ERGIC1: variants seen among roughly 807,000 people sequenced by gnomAD.
ERGIC1 encodes endoplasmic reticulum-Golgi intermediate compartment protein 1.
ERGIC1 carries 19 observed loss-of-function variants against 38.3 expected under a neutral mutation model. The ratio of observed to expected loss-of-function variants is 0.50; its 90% CI spans 0.35 to 0.73. ERGIC1 has a LOEUF of 0.73. Ranked by LOEUF, ERGIC1 falls within the 30% of genes least tolerant of loss-of-function variation. ERGIC1 has a pLI of 0.01. For synonymous variants in ERGIC1, 124 were observed against 157.6 expected (o/e 0.79, Z 1.60); for missense variants, 294 against 389.2 (o/e 0.76, Z 2.06).
intron 1 of ERGIC1, among the ~76,000 whole-genome samples, chr5:172,885,958 G>A (rs983209690): frequency 6.6e-6 from 1 of 152,224 alleles, no homozygotes; most frequent in East Asian, 1.9e-4. Flanking sequence ...GCTTCTCTTG[G>A]ACACTCAGAA....
chr5:172,877,606 A>C (rs1762179381), intron 1 of ERGIC1, among the ~76,000 whole-genome samples: 2 of 117,532 alleles, frequency 1.7e-5, no homozygotes, highest in Non-Finnish European at 4.2e-5. Flanking sequence ...ATGTAACAGA[A>C]TGCAGCGTTC....
chr5:172,849,282 C>T (rs1176488430), intron 1 of ERGIC1, among the ~76,000 whole-genome samples: 2 of 152,160 alleles, frequency 1.3e-5, no homozygotes, highest in African/African-American at 2.4e-5. Flanking sequence ...CTCTAGCAAA[C>T]TGGCCAGTTT....
chr5:172,936,851 G>A (rs2113475447), intron 9 of ERGIC1: 1 of 152,196 alleles, frequency 6.6e-6, no homozygotes, highest in East Asian at 1.9e-4. Flanking sequence ...TCTTAAATTA[G>A]CTGGATACGG....
At position 172,926,701 on chromosome 5, in the gene ERGIC1, C is replaced by T. The variant is rs1172980313; in HGVS notation, c.541+132C>T. On this transcript the variant is annotated intron_variant, in intron 7 of 9. Transcript: ENST00000393784. The surrounding 1 kb of genome is among the most constrained non-coding windows in gnomAD (Gnocchi z 5.2). ...GGCAGGGAGGCTGCTGCTCACACTC[C>T]ATTCCCACAGCTAACCAGTGGGAAG... 7.3e-6 allele frequency: 7 copies of T among 961,810 alleles called. No homozygotes were observed. The highest frequency in any genetic ancestry group is 1.6e-5 in the African/African-American group (1 of 62,064). The allele number at this position is 961,810 out of a possible 1,614,324, so 59.6% of individuals were successfully genotyped here.
At chr5:172,915,343 T>A (rs903821953) in intron 5 of ERGIC1, 1 of 469,088 alleles carries the variant, frequency 2.1e-6, no homozygotes, top group Non-Finnish European at 4.1e-6. Flanking sequence ...GCAGCGTTCC[T>A]GGGCTGGTGG....
At chr5:172,892,656 A>G (rs964231385) in intron 2 of ERGIC1, among the ~76,000 whole-genome samples, 2 of 152,178 alleles carry the variant, frequency 1.3e-5, no homozygotes, top group African/African-American at 4.8e-5. Flanking sequence ...TTGCCCAAAC[A>G]TGGACTGAAA....
intron 3 of ERGIC1, among the ~76,000 whole-genome samples, chr5:172,903,988 C>CACACACA (rs1473108767): frequency 2.7e-5 from 4 of 150,934 alleles, no homozygotes; most frequent in African/African-American, 9.9e-5. Flanking sequence ...CACACACACA[C>CACACACA]ATTGACTCAC....
intron 5 of ERGIC1, among the ~76,000 whole-genome samples, chr5:172,923,522 G>A (rs1763579441): frequency 6.6e-6 from 1 of 152,204 alleles, no homozygotes; most frequent in African/African-American, 2.4e-5. Context: ...ACCCAGGGAA[G>A]AGATGAGGCT....
intron 3 of ERGIC1, chr5:172,905,604 C>G (rs945385170): frequency 2.7e-6 from 1 of 365,396 alleles, no homozygotes; most frequent in African/African-American, 2.1e-5. Flanking sequence ...AGCCTCTAGT[C>G]CGATCAGGAG....
intron 4 of ERGIC1, among the ~76,000 whole-genome samples, chr5:172,913,334 A>C (rs536777124): frequency 2.6e-5 from 4 of 152,368 alleles, no homozygotes; most frequent in Non-Finnish European, 5.9e-5. Flanking sequence ...GCAGCTTTGC[A>C]CACACATCTG....
chr5:172,947,758 A>G (rs1312957779), intron 9 of ERGIC1, among the ~76,000 whole-genome samples: 2 of 152,034 alleles, frequency 1.3e-5, no homozygotes, highest in African/African-American at 4.8e-5. Flanking sequence ...CAATACACAC[A>G]TTGTCTCCCT....
chr5:172,859,746 A>G (rs1478730325), intron 1 of ERGIC1, among the ~76,000 whole-genome samples: 2 of 152,146 alleles, frequency 1.3e-5, no homozygotes, highest in Non-Finnish European at 2.9e-5. Flanking sequence ...GTGCCCTTGG[A>G]CAGGGGACAG....
At chr5:172,866,990 G>T (rs1761882120) in intron 1 of ERGIC1, 1 of 352,520 alleles carries the variant, frequency 2.8e-6, no homozygotes, top group Non-Finnish European at 5.7e-6. Context: ...AATGAAAGGG[G>T]ATGCAGATGG....
At chr5:172,920,872 G>A (rs559139214) in intron 5 of ERGIC1, among the ~76,000 whole-genome samples, 31 of 152,348 alleles carry the variant, frequency 2.0e-4, no homozygotes, top group African/African-American at 7.5e-4. Flanking sequence ...CCCAGGGGTG[G>A]TCAGCAACAG....
chr5:172,867,001 A>AGATGATGCAGATGGAGAT lies in ERGIC1; in HGVS notation c.21-21675_21-21658dup, dbSNP rs1554107904. ...TGGAAATGAAAGGGGATGCAGATGGAGATGATGCAGATGGAGATGATGATG... is the reference window on the plus strand; with the variant it reads ...TGGAAATGAAAGGGGATGCAGATGGAGATGATGCAGATGGAGATGATGATGCAGATGGAGATGATGATG... On this transcript the variant is annotated intron_variant, in intron 1 of 9. Coordinates refer to ENST00000393784, the MANE Select transcript of ERGIC1 (RefSeq NM_001031711.3). 1,187 of 360,828 alleles carry AGATGATGCAGATGGAGAT rather than the reference A, an allele frequency of 3.3e-3. 13 individuals are homozygous for AGATGATGCAGATGGAGAT. The highest frequency in any genetic ancestry group is 0.023 in the African/African-American group (1,102 of 47,088). 22.4% of individuals were successfully genotyped at this position (360,828 alleles called of 1,614,324 possible). A position where few individuals can be genotyped will look rare whatever the true frequency, so the allele number is the denominator to read the frequency against.
At chr5:172,893,935 G>GTGTGTGTGTGTGTGTGTGTATATA (rs1429850022) in intron 2 of ERGIC1, among the ~76,000 whole-genome samples, 73 of 42,782 alleles carry the variant, frequency 1.7e-3, no homozygotes, top group Non-Finnish European at 2.9e-3. Flanking sequence ...GTGTGTGTGT[G>GTGTGTGTGTGTGTGTGTGTATATA]TATATATATA....
intron 1 of ERGIC1, among the ~76,000 whole-genome samples, chr5:172,851,322 A>G: frequency 6.6e-6 from 1 of 151,910 alleles, no homozygotes; most frequent in East Asian, 1.9e-4. Context: ...CAGCCTGACC[A>G]ATATGGTGAG....
chr5:172,851,616 G>A (rs955312573), intron 1 of ERGIC1, among the ~76,000 whole-genome samples: 4 of 152,220 alleles, frequency 2.6e-5, no homozygotes, highest in Admixed American at 6.5e-5. Context: ...ACCTTAAAGC[G>A]GGAGATGTGA....
chr5:172,923,954 C>T (rs373905217), intron 5 of ERGIC1, 51 bp from the exon 6 acceptor site: 27 of 1,543,376 alleles, frequency 1.7e-5, no homozygotes, highest in African/African-American at 4.1e-5. Context: ...CCCAATGTTC[C>T]GCCCCCTGGA....
Sources: gnomAD v4.1 joint callset for allele counts (sites outside exome capture counted in the v4.1 genomes callset) on GRCh38, gnomAD v4.1.1 for gene constraint, Gnocchi (gnomAD v3.1) non-coding constraint, MANE v1.5 for transcripts, NCBI Gene and HGNC (gene_info 2026-07-23, HGNC 2026-07-21) for gene names.